The following CNST variants were observed in gnomAD, a reference collection of about 807,000 sequenced individuals.
The protein encoded by CNST is consortin.
A neutral mutation model predicts 72.4 loss-of-function variants in CNST; 39 were observed. That is an observed-to-expected ratio of 0.54 (90% CI 0.42 to 0.70). The LOEUF (loss-of-function observed/expected upper bound fraction) is 0.70, where lower values mean the gene tolerates loss of function less well. CNST is among the 30% of genes least tolerant of loss of function. CNST has a pLI of 0.00. For synonymous variants in CNST, 332 were observed against 320.1 expected, an observed-to-expected ratio of 1.04 and a Z score of -0.40; for missense variants, 871 against 868.5, an observed-to-expected ratio of 1.00 and a Z score of -0.04.
chr1:246,664,585 C>T (rs1667292624), intron 10 of CNST, among the ~76,000 whole-genome samples: 1 of 152,106 alleles, frequency 6.6e-6, no homozygotes, highest in Admixed American at 6.5e-5. Context: ...TGCCACCACG[C>T]CCAGCTGATT....
At chr1:246,611,339 GT>G (rs200667352) in intron 2 of CNST, among the ~76,000 whole-genome samples, 2 of 151,382 alleles carry the variant, frequency 1.3e-5, no homozygotes, top group Non-Finnish European at 2.9e-5. Context: ...TCTGGATGTT[GT>G]TTTTTTTTAA....
chr1:246,600,367 C>G (rs1662194185), intron 2 of CNST, among the ~76,000 whole-genome samples: 1 of 152,148 alleles, frequency 6.6e-6, no homozygotes. Context: ...AAGGGAATTG[C>G]ATTTTTTAGA....
chr1:246,568,766 G>A (rs1016292305), intron 1 of CNST, among the ~76,000 whole-genome samples: 43 of 152,282 alleles, frequency 2.8e-4, no homozygotes, highest in Non-Finnish European at 5.1e-4. Flanking sequence ...TAGTAGAGAC[G>A]GAGTTTCGCC....
intron 1 of CNST, among the ~76,000 whole-genome samples, chr1:246,586,366 A>G (rs1284662717): frequency 6.8e-6 from 1 of 148,050 alleles, no homozygotes; most frequent in Non-Finnish European, 1.5e-5. Flanking sequence ...ATACATAGAT[A>G]TATAAAAGAT....
intron 2 of CNST, among the ~76,000 whole-genome samples, chr1:246,613,130 C>T (rs752103097): frequency 3.3e-5 from 5 of 152,072 alleles, no homozygotes; most frequent in African/African-American, 7.2e-5. Context: ...GTAACGTGCC[C>T]GATGTCATTG....
chr1:246,609,900 CATTA>C (rs1400262350), intron 2 of CNST, among the ~76,000 whole-genome samples: 1 of 152,170 alleles, frequency 6.6e-6, no homozygotes, highest in Non-Finnish European at 1.5e-5. Flanking sequence ...AGTTCAGTGG[CATTA>C]ATTACATTCA....
intron 2 of CNST, among the ~76,000 whole-genome samples, chr1:246,601,840 G>C (rs1379532326): frequency 6.6e-6 from 1 of 152,104 alleles, no homozygotes; most frequent in African/African-American, 2.4e-5. Flanking sequence ...TTATTGCAAG[G>C]GTGTATAGTC....
chr1:246,645,475 T>G (rs1029223742), intron 8 of CNST, among the ~76,000 whole-genome samples: 1 of 142,498 alleles, frequency 7.0e-6, no homozygotes, highest in Non-Finnish European at 1.5e-5. Context: ...TCGCCCAGGC[T>G]GGAGTGCAGT....
intron 1 of CNST, among the ~76,000 whole-genome samples, chr1:246,585,452 G>C (rs756942491): frequency 1.1e-4 from 17 of 151,860 alleles, no homozygotes; most frequent in Non-Finnish European, 2.1e-4. Flanking sequence ...TTCGAGATCA[G>C]CCTGTCCAAC....
At chr1:246,649,208 T>C (rs1666313571) in intron 9 of CNST, among the ~76,000 whole-genome samples, 1 of 151,774 alleles carries the variant, frequency 6.6e-6, no homozygotes, top group African/African-American at 2.4e-5. Flanking sequence ...TTATTTAATA[T>C]TGCTTAATGG....
At chr1:246,662,424 C>T (rs369211403) in intron 10 of CNST, among the ~76,000 whole-genome samples, 1 of 152,188 alleles carries the variant, frequency 6.6e-6, no homozygotes, top group Non-Finnish European at 1.5e-5. Flanking sequence ...GGATCTCACT[C>T]TGTCGCCCGG....
At position 246,621,591 on chromosome 1, in the gene CNST, T is replaced by G. The variant is rs766247365; in HGVS notation, c.542T>G (p.Val181Gly). ...QSLFSLIRGE[V>G]EQLDSRALPL... ...CTGTTTTCACTTATACGAGGTGAAG[T>G]TGAGCAGTTGGATTCAAGAGCACTT... The change falls in exon 3 of 11, where the codon GTT becomes GGT. Residue 181 changes from valine to glycine, a missense_variant. Physicochemically the swap from Val to Gly is moderately radical, Grantham distance 109. Transcript: ENST00000366513. 6.2e-7 allele frequency: 1 copy of G among 1,614,118 alleles called. No homozygotes were observed. The highest frequency in any genetic ancestry group is 8.5e-7 in the Non-Finnish European group (1 of 1,179,992).
At chr1:246,643,901 C>T (rs1423022391) in intron 8 of CNST, among the ~76,000 whole-genome samples, 3 of 152,088 alleles carry the variant, frequency 2.0e-5, no homozygotes, top group Admixed American at 2.0e-4. Flanking sequence ...GATGAAGCAA[C>T]CATTTTCAGG....
In CNST at chr1:246,647,915, G is replaced by T; in HGVS notation, c.1714G>T (p.Asp572Tyr). The stretch of plus-strand genomic sequence containing the variant: ...TTCCTATGAAGATAACCAAGACGAC[G>T]ACTCCGATCTCCTTCAAGATCTCTC... Reference protein sequence around the residue: ...SLSYEDNQDDDSDLLQDLSPE... With the variant: ...SLSYEDNQDDYSDLLQDLSPE... Residue 572 changes from aspartate to tyrosine, a missense_variant, in exon 9 of 11, where the codon GAC (aspartate) becomes TAC (tyrosine). By Grantham distance (160) the Asp-to-Tyr change is radical. Transcript: ENST00000366513. 14 of 1,613,758 alleles carry T rather than the reference G, an allele frequency of 8.7e-6. No individual in the cohort carries two copies. Among genetic ancestry groups the T allele is most frequent in the Non-Finnish European group, 1.2e-5 (14 of 1,179,940 alleles).
intron 1 of CNST, among the ~76,000 whole-genome samples, chr1:246,583,462 C>A (rs557386724): frequency 6.6e-6 from 1 of 152,180 alleles, no homozygotes; most frequent in African/African-American, 2.4e-5. Flanking sequence ...ATAGACATAG[C>A]GTATAATTCA....
rs757869696 is a variant in CNST at position 246,667,096 on chromosome 1, G to A, written c.*1191G>A. The A allele has an allele frequency of 6.6e-6, 1 of 151,726 alleles. No individual in the cohort carries two copies. The highest frequency in any genetic ancestry group is 1.5e-5 in the Non-Finnish European group (1 of 67,934). 9.4% of individuals were successfully genotyped at this position (151,726 alleles called of 1,614,324 possible). A position where few individuals can be genotyped will look rare whatever the true frequency, so the allele number is the denominator to read the frequency against. On this transcript the variant is annotated 3_prime_UTR_variant, in exon 11 of 11. Coordinates refer to ENST00000366513, the MANE Select transcript of CNST (RefSeq NM_152609.3). ...GGTGTAGTGGTCTAACATTTAGGAA[G>A]CCTTGCTTTGACTTTATCGGGCAGC... is the stretch of plus-strand genomic sequence containing the variant.
intron 1 of CNST, among the ~76,000 whole-genome samples, chr1:246,586,107 A>ATGTGTGTGTGTGTGTG (rs1328922749): frequency 1.7e-3 from 72 of 42,230 alleles, no homozygotes; most frequent in Middle Eastern, 9.4e-3. Flanking sequence ...ATATATATAT[A>ATGTGTGTGTGTGTGTG]TATATGTGTG....
intron 9 of CNST, among the ~76,000 whole-genome samples, chr1:246,659,561 C>G (rs993589897): frequency 1.3e-5 from 2 of 151,682 alleles, no homozygotes; most frequent in African/African-American, 2.4e-5. Context: ...CGCCACTGCA[C>G]TCCAGCCTGG....
Position 246,621,471 on chromosome 1 carries a change from T to A in CNST, c.422T>A (p.Val141Glu), listed in dbSNP as rs762815022. 6.2e-7 allele frequency: 1 copy of A among 1,614,156 alleles called. No homozygotes were observed. Among genetic ancestry groups the A allele is most frequent in the South Asian group, 1.1e-5 (1 of 91,086 alleles). Residue 141 changes from valine (V) to glutamate (E), a missense_variant, in exon 3 of 11, where the codon GTA becomes GAA. By Grantham distance (121) the Val-to-Glu change is moderately radical. Coordinates refer to ENST00000366513, the MANE Select transcript of CNST (RefSeq NM_152609.3). ...ATTGCACCTTTAATGCAAGAAAAAG[T>A]ACTAAGCGCAGTCACATATGCTGTT... Reference protein sequence around the residue: ...GDIAPLMQEKVLSAVTYAVDD... With the variant: ...GDIAPLMQEKELSAVTYAVDD...
Sources: gnomAD v4.1 joint callset for allele counts (sites outside exome capture counted in the v4.1 genomes callset) on GRCh38, gnomAD v4.1.1 for gene constraint, MANE v1.5 for transcripts, NCBI Gene and HGNC (gene_info 2026-07-23, HGNC 2026-07-21) for gene names.